The following ADARB2 variants were observed in gnomAD, a reference collection of about 807,000 sequenced individuals.
ADARB2 encodes the protein inactive double-stranded RNA-specific editase B2.
In ADARB2, 25 loss-of-function variants were observed where a neutral mutation model predicts 62.2. The ratio of observed to expected loss-of-function variants is 0.40; its 90% CI spans 0.29 to 0.56. The LOEUF is 0.56. Among genes scored for constraint, ADARB2 ranks in the 20% least tolerant of loss-of-function variants. The probability of loss-of-function intolerance (pLI) is 0.43; values close to 1 mark genes in which losing one functional copy is unlikely to be tolerated. For synonymous variants in ADARB2, 572 were observed against 500.8 expected (o/e 1.14, Z -1.90); for missense variants, 1,071 against 1,077.4 (o/e 0.99, Z 0.08).
chr10:1,203,272 GC>G (rs1250190000), intron 7 of ADARB2, among the ~76,000 whole-genome samples: 1 of 152,132 alleles, frequency 6.6e-6, no homozygotes, highest in African/African-American at 2.4e-5. Flanking sequence ...CCATTCTTTA[GC>G]CAGGAGATGC....
chr10:1,642,859 G>A (rs1011732037), intron 1 of ADARB2, among the ~76,000 whole-genome samples: 5 of 152,198 alleles, frequency 3.3e-5, no homozygotes, highest in Non-Finnish European at 7.3e-5. Context: ...GTGAACTGCA[G>A]GCAGGTATGT....
At position 1,363,055 on chromosome 10, in the gene ADARB2, G is replaced by A. The variant is rs985410918; in HGVS notation, c.1050C>T (p.Gly350=). The A allele has an allele frequency of 6.9e-7, 1 of 1,439,102 alleles. No individual in the cohort carries two copies. Among genetic ancestry groups the A allele is most frequent in the Non-Finnish European group, 9.1e-7 (1 of 1,097,500 alleles). The allele number at this position is 1,439,102 out of a possible 1,614,324, so 89.1% of individuals were successfully genotyped here. ...FDIQMPGHAP[G]RARRTPMPQE... ...GCGGCATTGGCGTCCTCCTGGCCCT[G>A]CCGGGCGCGTGGCCGGGCATCTGGA... is the stretch of plus-strand genomic sequence containing the variant. Residue 350 remains glycine (G), a synonymous_variant, in exon 3 of 10, where the codon GGC becomes GGT. Coordinates refer to ENST00000381312, the MANE Select transcript of ADARB2 (RefSeq NM_018702.4).
At chr10:1,662,980 A>G (rs1834268566) in intron 1 of ADARB2, among the ~76,000 whole-genome samples, 2 of 152,236 alleles carry the variant, frequency 1.3e-5, no homozygotes, top group Admixed American at 6.5e-5. Flanking sequence ...CAGACGCGGA[A>G]CACGACATCA....
rs546835106 is a variant in ADARB2 at position 1,396,483 on chromosome 10, G to C, written c.101-17323C>G. On this transcript the variant is annotated intron_variant, in intron 1 of 9. Transcript: ENST00000381312. ...CAGGCACGTGCTGTGTCCCAGGATC[G>C]AAGAATCCGGCCCTGAGCTCCTGTC... Among the ~76,000 whole-genome samples the C allele has an allele frequency of 1.6e-3, 238 of 152,262 alleles. 2 individuals are homozygous for C. In the Middle Eastern group the frequency reaches 0.02, roughly 13 times the overall value.
rs557553126 is a variant in ADARB2, at chr10:1,498,123, G to A, written c.101-118963C>T. On this transcript the variant is annotated intron_variant, in intron 1 of 9. Transcript: ENST00000381312. Reference sequence around the variant, plus strand: ...CATGGTGGCTCACGCTTGTAATCCCGGCACTTTGGGAGGCTGAGGCAGGTG... The same window carrying A: ...CATGGTGGCTCACGCTTGTAATCCCAGCACTTTGGGAGGCTGAGGCAGGTG... Among the ~76,000 whole-genome samples, 357 of 152,132 alleles carry A rather than the reference G, an allele frequency of 2.3e-3. 1 individual carries two copies. The highest frequency in any genetic ancestry group is 4.6e-3 in the Non-Finnish European group (310 of 67,982).
intron 1 of ADARB2, among the ~76,000 whole-genome samples, chr10:1,659,292 C>A (rs1012224733): frequency 3.7e-4 from 56 of 152,262 alleles, no homozygotes; most frequent in African/African-American, 1.3e-3. Flanking sequence ...GCTAAATAAA[C>A]GGGGATGGGA....
chr10:1,265,595 G>A lies in ADARB2; in HGVS notation c.1192+5360C>T, dbSNP rs115610007. Among the ~76,000 whole-genome samples, 31 of 136,448 alleles carry A rather than the reference G, an allele frequency of 2.3e-4. 1 individual carries two copies. The highest frequency in any genetic ancestry group is 8.2e-4 in the African/African-American group (28 of 34,212). 89.5% of individuals were successfully genotyped at this position (136,448 alleles called of 152,430 possible). The stretch of plus-strand genomic sequence containing the variant: ...GCCTGAGTCAGGTCCACGCTCTCCC[G>A]GAAGACGGCCTGAGAGGGGGGCCCA... On this transcript the variant is annotated intron_variant, in intron 4 of 9. Transcript: ENST00000381312.
intron 1 of ADARB2, among the ~76,000 whole-genome samples, chr10:1,458,048 C>T (rs1475318582): frequency 6.6e-6 from 1 of 152,140 alleles, no homozygotes; most frequent in East Asian, 1.9e-4. Flanking sequence ...TCCCCAAACG[C>T]TCTTTAGAAA....
At chr10:1,617,702 C>A (rs1414372320) in intron 1 of ADARB2, among the ~76,000 whole-genome samples, 2 of 151,216 alleles carry the variant, frequency 1.3e-5, no homozygotes, top group Non-Finnish European at 2.9e-5. Context: ...CTGTGCTCTG[C>A]ATCCTGGGAA....
At chr10:1,542,757 GCCCAGACCCCAC>G (rs1832451324) in intron 1 of ADARB2, among the ~76,000 whole-genome samples, 1 of 74,746 alleles carries the variant, frequency 1.3e-5, no homozygotes, top group African/African-American at 5.0e-5. Context: ...GATCACAGCC[GCCCAGACCCCAC>G]TCAGACGCAG....
At chr10:1,316,934 T>C (rs1267484636) in intron 3 of ADARB2, among the ~76,000 whole-genome samples, 1 of 152,238 alleles carries the variant, frequency 6.6e-6, no homozygotes, top group Admixed American at 6.5e-5. Context: ...CTGTGCATGC[T>C]TGTATGCAAA....
intron 1 of ADARB2, among the ~76,000 whole-genome samples, chr10:1,557,617 T>A (rs1415579493): frequency 6.6e-6 from 1 of 152,212 alleles, no homozygotes; most frequent in East Asian, 1.9e-4. Context: ...TCAAAAGAAC[T>A]TCCGGGCCGG....
intron 3 of ADARB2, among the ~76,000 whole-genome samples, chr10:1,309,865 A>G (rs1417697782): frequency 6.6e-6 from 1 of 152,178 alleles, no homozygotes; most frequent in Non-Finnish European, 1.5e-5. Context: ...CATTACTGAG[A>G]TTCCCTTCAG....
chr10:1,657,980 A>T (rs1329457799), intron 1 of ADARB2, among the ~76,000 whole-genome samples: 2 of 84,170 alleles, frequency 2.4e-5, no homozygotes, highest in African/African-American at 3.6e-5. Flanking sequence ...TCTCTATCTC[A>T]GTCTCTCTCT....
intron 1 of ADARB2, among the ~76,000 whole-genome samples, chr10:1,472,129 C>A (rs1831330723): frequency 6.6e-6 from 1 of 152,184 alleles, no homozygotes; most frequent in Non-Finnish European, 1.5e-5. Flanking sequence ...GACGTGGCAC[C>A]CACACGAGAA....
At position 1,537,504 on chromosome 10, in the gene ADARB2, C is replaced by T. The variant is rs550741847; in HGVS notation, c.101-158344G>A. On this transcript the variant is annotated intron_variant, in intron 1 of 9. Transcript: ENST00000381312. ...TATAAATTATTCTACTATAAAGACACATGCACACGTATGTTTATTGCAGCA... is the reference window on the plus strand; with the variant it reads ...TATAAATTATTCTACTATAAAGACATATGCACACGTATGTTTATTGCAGCA... 1.9e-3 allele frequency among the ~76,000 whole-genome samples: 287 copies of T among 152,344 alleles called. 2 individuals carry two copies. The highest frequency in any genetic ancestry group is 3.2e-3 in the Non-Finnish European group (221 of 68,034).
At chr10:1,418,790 A>G (rs1264251695) in intron 1 of ADARB2, among the ~76,000 whole-genome samples, 1 of 150,994 alleles carries the variant, frequency 6.6e-6, no homozygotes, top group Non-Finnish European at 1.5e-5. Context: ...CAGCAAATAC[A>G]TCAAGCCTTT....
At chr10:1,678,292 G>T in intron 1 of ADARB2, 3 of 985,182 alleles carry the variant, frequency 3.0e-6, no homozygotes, top group Non-Finnish European at 3.6e-6. Flanking sequence ...AGCGTCCTCG[G>T]GGTGAGCATC....
At chr10:1,337,746 T>C (rs1831987628) in intron 3 of ADARB2, among the ~76,000 whole-genome samples, 1 of 152,220 alleles carries the variant, frequency 6.6e-6, no homozygotes, top group South Asian at 2.1e-4. Flanking sequence ...TTTTACTATA[T>C]TGATTTTATT....
Sources: gnomAD v4.1 joint callset for allele counts (sites outside exome capture counted in the v4.1 genomes callset) on GRCh38, gnomAD v4.1.1 for gene constraint, MANE v1.5 for transcripts, NCBI Gene and HGNC (gene_info 2026-07-23, HGNC 2026-07-21) for gene names.